Variants in HSD17B2 observed in about 807,000 individuals in gnomAD.
HSD17B2 encodes 17-beta-hydroxysteroid dehydrogenase type 2.
In HSD17B2, 32 loss-of-function variants were observed where a neutral mutation model predicts 26.9. The observed-to-expected ratio is 1.19, with a 90% CI of 0.90 to 1.60. HSD17B2 has a LOEUF of 1.60. Among genes scored for constraint, HSD17B2 ranks in the 40% most tolerant of loss-of-function variants. The pLI is 0.00. For synonymous variants in HSD17B2, 246 were observed against 186.7 expected (o/e 1.32, Z -2.59); for missense variants, 613 against 468.6 (o/e 1.31, Z -2.85).
chr16:82,058,111 G>A (rs1032299722), intron 1 of HSD17B2, among the ~76,000 whole-genome samples: 4 of 145,920 alleles, frequency 2.7e-5, no homozygotes, highest in Admixed American at 1.4e-4. Context: ...TTGCTCTGTC[G>A]CCTAGGCTGG....
chr16:82,072,861 G>A (rs1398280919), intron 3 of HSD17B2, among the ~76,000 whole-genome samples: 1 of 152,142 alleles, frequency 6.6e-6, no homozygotes, highest in Admixed American at 6.5e-5. Flanking sequence ...TTTGATACCA[G>A]CCTGGGCAAC....
chr16:82,068,710 C>T (rs757384635), intron 2 of HSD17B2, among the ~76,000 whole-genome samples: 9 of 151,844 alleles, frequency 5.9e-5, no homozygotes, highest in Non-Finnish European at 1.0e-4. Context: ...TCTCCAGCTT[C>T]GAAAAAAAAT....
intron 1 of HSD17B2, among the ~76,000 whole-genome samples, chr16:82,054,223 A>G (rs901230079): frequency 2.0e-5 from 3 of 151,456 alleles, no homozygotes; most frequent in Non-Finnish European, 2.9e-5. Context: ...AAAAAAAAAA[A>G]GAAAAAAAAG....
intron 1 of HSD17B2, among the ~76,000 whole-genome samples, chr16:82,043,810 A>G (rs891998153): frequency 6.6e-6 from 1 of 152,032 alleles, no homozygotes; most frequent in African/African-American, 2.4e-5. Context: ...GTTTTGAATA[A>G]TCCCAGTGAC....
At chr16:82,092,699 T>A (rs1241639600) in intron 4 of HSD17B2, 1 of 152,246 alleles carries the variant, frequency 6.6e-6, no homozygotes, top group Non-Finnish European at 1.5e-5. Flanking sequence ...TTGAGATGGG[T>A]TTCCAACTTG....
At chr16:82,076,445 AT>A (rs1904302818) in intron 3 of HSD17B2, among the ~76,000 whole-genome samples, 1 of 152,236 alleles carries the variant, frequency 6.6e-6, no homozygotes. Context: ...AAGAAGTTGA[AT>A]TATCCTTGTT....
At chr16:82,069,495 C>T (rs899268876) in intron 2 of HSD17B2, among the ~76,000 whole-genome samples, 2 of 152,280 alleles carry the variant, frequency 1.3e-5, no homozygotes, top group African/African-American at 2.4e-5. Context: ...GTTGTTTATA[C>T]TCTCCTCCTT....
intron 1 of HSD17B2, among the ~76,000 whole-genome samples, chr16:82,066,644 TTTTTA>T (rs540992287): frequency 2.6e-4 from 39 of 152,308 alleles, no homozygotes; most frequent in East Asian, 2.1e-3. Flanking sequence ...TCCAAATTCT[TTTTTA>T]TTTTATTTTA....
intron 4 of HSD17B2, chr16:82,097,256 ATGTCTATGTCTATGTG>A (rs1299693566): frequency 1.9e-5 from 2 of 107,518 alleles, no homozygotes; most frequent in African/African-American, 6.0e-5. Flanking sequence ...GTCTATGTCT[ATGTCTATGTCTATGTG>A]TGTGTATGTG....
chr16:82,041,228 T>C (rs1382005674), intron 1 of HSD17B2, among the ~76,000 whole-genome samples: 1 of 152,172 alleles, frequency 6.6e-6, no homozygotes, highest in African/African-American at 2.4e-5. Flanking sequence ...TCTCAGCACG[T>C]TAGGCCTAAC....
chr16:82,083,320 G>C (rs1447610170), intron 3 of HSD17B2, among the ~76,000 whole-genome samples: 3 of 152,056 alleles, frequency 2.0e-5, no homozygotes, highest in Non-Finnish European at 4.4e-5. Context: ...GAAAGGGAAA[G>C]AGTAAAAGAC....
At position 82,098,320 on chromosome 16, in the gene HSD17B2, CT is replaced by C. The variant is rs757488833; in HGVS notation, c.1050del (p.Ala351LeufsTer27). ...GAAAGGCGCTTACTTGTGGATCTGC[CT>C]TGCTCACTATTTGCCTATTGGCATA... is the stretch of plus-strand genomic sequence containing the variant. ...PGKGAYLWIC[L>X]AHYLPIGIYD... On this transcript the variant is annotated frameshift_variant, in exon 5 of 5. Transcript: ENST00000199936. LOFTEE classifies it low-confidence loss of function (END_TRUNC). The C allele has an allele frequency of 1.9e-6, 3 of 1,614,076 alleles. No individual in the cohort carries two copies. Among genetic ancestry groups the C allele is most frequent in the Non-Finnish European group, 2.5e-6 (3 of 1,180,018 alleles).
intron 2 of HSD17B2, among the ~76,000 whole-genome samples, chr16:82,070,143 T>C (rs528509379): frequency 4.6e-5 from 7 of 152,208 alleles, no homozygotes; most frequent in Middle Eastern, 3.4e-3. Flanking sequence ...TTGTTTTTTT[T>C]CCCCCTGCTG....
chr16:82,055,933 G>C (rs957587113), intron 1 of HSD17B2, among the ~76,000 whole-genome samples: 5 of 152,198 alleles, frequency 3.3e-5, no homozygotes, highest in Non-Finnish European at 7.3e-5. Flanking sequence ...GTCCATGGTG[G>C]AATGAGAAGT....
chr16:82,055,180 A>C (rs1914229150), intron 1 of HSD17B2, among the ~76,000 whole-genome samples: 1 of 152,156 alleles, frequency 6.6e-6, no homozygotes, highest in Non-Finnish European at 1.5e-5. Flanking sequence ...AGCTCCTTTT[A>C]TTCTCTTTGA....
At chr16:82,087,824 C>T (rs930199566) in intron 3 of HSD17B2, among the ~76,000 whole-genome samples, 1 of 151,890 alleles carries the variant, frequency 6.6e-6, no homozygotes, top group Non-Finnish European at 1.5e-5. Context: ...GGTGGAAGGG[C>T]AAGAGAGAGG....
intron 1 of HSD17B2, among the ~76,000 whole-genome samples, chr16:82,042,423 G>T (rs1913792445): frequency 2.6e-5 from 4 of 152,154 alleles, no homozygotes; most frequent in Non-Finnish European, 4.4e-5. Context: ...TTGGTGGAGG[G>T]TGGTAAGTTC....
At chr16:82,097,945 T>TA (rs199901374) in intron 4 of HSD17B2, 130 bp from the exon 5 acceptor site, 18,958 of 716,388 alleles carry the variant, frequency 0.026, 6 homozygotes, top group Middle Eastern at 0.044. Flanking sequence ...ATCCCAAAAA[T>TA]AAAAAAATAA....
chr16:82,044,764 T>C (rs1913869681), intron 1 of HSD17B2, among the ~76,000 whole-genome samples: 2 of 152,082 alleles, frequency 1.3e-5, no homozygotes, highest in South Asian at 4.2e-4. Flanking sequence ...TATCCCTCCA[T>C]ATTGCAGACA....
Sources: allele counts gnomAD v4.1 joint callset (sites outside exome capture counted in the v4.1 genomes callset), GRCh38; gene constraint gnomAD v4.1.1; transcripts MANE v1.5; gene names NCBI Gene and HGNC (gene_info 2026-07-23, HGNC 2026-07-21).